The following KLHL6 variants were observed in gnomAD, a reference collection of about 807,000 sequenced individuals.
KLHL6 encodes the protein kelch-like protein 6.
In KLHL6, 41 loss-of-function variants were observed where a neutral mutation model predicts 58.6. The ratio of observed to expected loss-of-function variants is 0.70; its 90% CI spans 0.55 to 0.91. KLHL6 has a LOEUF of 0.91. Ranked by LOEUF, KLHL6 falls within the 40% of genes least tolerant of loss-of-function variation. The pLI, the probability that KLHL6 is intolerant of heterozygous loss-of-function variation, is 0.00. For synonymous variants in KLHL6, 338 were observed against 322.7 expected (o/e 1.05, Z -0.51); for missense variants, 714 against 805.6 (o/e 0.89, Z 1.38).
rs1717440284 is a variant in KLHL6 at position 183,487,671 on chromosome 3, T to G, written c.*4256A>C. 1 of 152,240 alleles carries G rather than the reference T, an allele frequency of 6.6e-6. No homozygotes were observed. Among genetic ancestry groups the G allele is most frequent in the South Asian group, 2.1e-4 (1 of 4,832 alleles). 9.4% of individuals were successfully genotyped at this position (152,240 alleles called of 1,614,324 possible). On this transcript the variant is annotated 3_prime_UTR_variant, in exon 7 of 7. Transcript: ENST00000341319. ...TACAACTTTATGTAACCAAAATGCT[T>G]AAAGGATTTTGTTCACTGAGTGTTG...
rs190307614 is a variant in KLHL6, at chr3:183,491,864, A to T, written c.*63T>A. 2.8e-3 allele frequency: 3,807 copies of T among 1,368,006 alleles called. 90 individuals carry two copies. The African/African-American group carries it at 0.05, about 18-fold the overall frequency. 84.7% of individuals were successfully genotyped at this position (1,368,006 alleles called of 1,614,324 possible). On this transcript the variant is annotated 3_prime_UTR_variant, in exon 7 of 7. Coordinates refer to ENST00000341319, the MANE Select transcript of KLHL6 (RefSeq NM_130446.4). ...CTGCTGCCTGAAGTGGGACTGGAGG[A>T]GGGTGAGAGGTGAGGCGGGTACGCT...
At chr3:183,494,925 ACT>A (rs1395384923) in intron 4 of KLHL6, among the ~76,000 whole-genome samples, 4 of 152,182 alleles carry the variant, frequency 2.6e-5, no homozygotes, top group Non-Finnish European at 4.4e-5. Flanking sequence ...CTTGAAGGCA[ACT>A]CTCTTAAAAA....
chr3:183,516,122 G>T (rs994127628), intron 2 of KLHL6, among the ~76,000 whole-genome samples: 2 of 152,152 alleles, frequency 1.3e-5, no homozygotes, highest in Non-Finnish European at 2.9e-5. Context: ...TGCCAGGAGA[G>T]TCTGAAGAGG....
chr3:183,546,555 TC>T (rs34499683), intron 1 of KLHL6, among the ~76,000 whole-genome samples: 1 of 152,196 alleles, frequency 6.6e-6, no homozygotes, highest in Non-Finnish European at 1.5e-5. Context: ...CTGTCTAGCC[TC>T]CCTTGCACCT....
Position 183,508,076 on chromosome 3 carries a change from G to A in KLHL6, c.892C>T (p.His298Tyr), listed in dbSNP as rs760611219. 6.2e-7 allele frequency: 1 copy of A among 1,613,890 alleles called. No homozygotes were observed. The highest frequency in any genetic ancestry group is 8.5e-7 in the Non-Finnish European group (1 of 1,179,808). ...CTACTCACCTCATTGCCAGAAAGGT[G>A]GTACATCCTGGCTTCCTGGAGCAGC... ...FPLLQEARMYHLSGNEIISER... is the reference protein window; with the variant it reads ...FPLLQEARMYYLSGNEIISER... Residue 298 changes from histidine to tyrosine, a missense_variant, in exon 3 of 7, where the codon CAC becomes TAC. By Grantham distance (83) the His-to-Tyr change is moderately conservative. This residue lies in a region of KLHL6 where 510 missense variants were observed against 629.7 expected (regional missense o/e 0.81). Transcript: ENST00000341319.
rs1210501208 is a variant in KLHL6, at chr3:183,508,251, C to G, written c.717G>C (p.Val239=). 6.2e-7 allele frequency: 1 copy of G among 1,614,048 alleles called. No individual in the cohort carries two copies. Among genetic ancestry groups the G allele is most frequent in the Admixed American group, 1.7e-5 (1 of 59,998 alleles). The change falls in exon 3 of 7, where the codon GTG becomes GTC. Residue 239 remains valine, a synonymous_variant. Transcript: ENST00000341319. ...VTEEAQVFET[V]MSWVRHKPSE... ...ATGGCTTGTGCCGGACCCAGCTCAT[C>G]ACGGTCTCAAACACCTGAGCCTCCT...
chr3:183,514,584 T>G (rs933734361), intron 2 of KLHL6, among the ~76,000 whole-genome samples: 1 of 152,064 alleles, frequency 6.6e-6, no homozygotes, highest in Admixed American at 6.5e-5. Context: ...CCCCTGTAAG[T>G]TTACCTCAAG....
chr3:183,532,985 T>C (rs1712208948), intron 1 of KLHL6, among the ~76,000 whole-genome samples: 1 of 152,076 alleles, frequency 6.6e-6, no homozygotes, highest in African/African-American at 2.4e-5. Flanking sequence ...TCTCAGAAAA[T>C]GTACTAATTG....
Position 183,508,188 on chromosome 3 carries a change from G to C in KLHL6, c.780C>G (p.Asn260Lys), listed in dbSNP as rs376809796. The C allele has an allele frequency of 4.3e-6, 7 of 1,614,080 alleles. No individual in the cohort carries two copies. In the African/African-American group the frequency reaches 8.0e-5, roughly 18 times the overall value. ...ACGGGTCCAGAAGCGGTAAGCGCACGTTCTCGAGGACATAGGGGAGTAAGC... is the reference window on the plus strand; with the variant it reads ...ACGGGTCCAGAAGCGGTAAGCGCACCTTCTCGAGGACATAGGGGAGTAAGC... ...RLCLLPYVLE[N>K]VRLPLLDPWY... Residue 260 changes from asparagine to lysine, a missense_variant, in exon 3 of 7, where the codon AAC becomes AAG. Asn to Lys is a moderately conservative substitution (Grantham distance 94). Coordinates refer to ENST00000341319, the MANE Select transcript of KLHL6 (RefSeq NM_130446.4).
chr3:183,514,673 AT>A (rs776479112), intron 2 of KLHL6, among the ~76,000 whole-genome samples: 6,177 of 147,896 alleles, frequency 0.042, 152 homozygotes, highest in Middle Eastern at 0.072. Context: ...ATTTAATTTA[AT>A]TTTTTTTTTT....
chr3:183,546,757 G>C (rs919268482), intron 1 of KLHL6, among the ~76,000 whole-genome samples: 1 of 152,032 alleles, frequency 6.6e-6, no homozygotes, highest in African/African-American at 2.4e-5. Flanking sequence ...TTTACTATTC[G>C]CGTTTCACAA....
chr3:183,551,895 T>A (rs574630321), intron 1 of KLHL6, among the ~76,000 whole-genome samples: 5 of 152,126 alleles, frequency 3.3e-5, no homozygotes, highest in South Asian at 2.1e-4. Context: ...AATTTAATTT[T>A]AAAAAAATAC....
At chr3:183,522,904 C>T (rs1294101106) in intron 2 of KLHL6, 1 of 152,202 alleles carries the variant, frequency 6.6e-6, no homozygotes, top group Non-Finnish European at 1.5e-5. Context: ...TAACTTCCGC[C>T]TCCTAGGTTC....
At chr3:183,531,439 CT>C (rs1480023423) in intron 1 of KLHL6, among the ~76,000 whole-genome samples, 6 of 134,778 alleles carry the variant, frequency 4.5e-5, no homozygotes, top group Non-Finnish European at 9.4e-5. Flanking sequence ...CTTTTTTTGT[CT>C]GTGTTTTTTT....
intron 1 of KLHL6, among the ~76,000 whole-genome samples, chr3:183,537,293 A>G (rs1480113485): frequency 6.6e-6 from 1 of 152,184 alleles, no homozygotes; most frequent in Non-Finnish European, 1.5e-5. Flanking sequence ...CAAGAAAATC[A>G]GCAGGAGTTC....
At chr3:183,501,928 T>C in intron 3 of KLHL6, among the ~76,000 whole-genome samples, 1 of 152,206 alleles carries the variant, frequency 6.6e-6, no homozygotes, top group Non-Finnish European at 1.5e-5. Flanking sequence ...AACAGCCCTT[T>C]TTCTCCAGTG....
At chr3:183,529,965 G>A (rs991513284) in intron 1 of KLHL6, among the ~76,000 whole-genome samples, 4 of 152,064 alleles carry the variant, frequency 2.6e-5, no homozygotes, top group Admixed American at 6.6e-5. Flanking sequence ...GTGCTGCCCC[G>A]TGTGAGGACT....
chr3:183,537,922 T>C (rs1712417696), intron 1 of KLHL6, among the ~76,000 whole-genome samples: 1 of 152,134 alleles, frequency 6.6e-6, no homozygotes. Context: ...GGGTGTGCCA[T>C]GCTCAGCACT....
At chr3:183,521,857 C>G (rs1711773264) in intron 2 of KLHL6, 1 of 151,054 alleles carries the variant, frequency 6.6e-6, no homozygotes, top group African/African-American at 2.4e-5. Flanking sequence ...CTACACCTGG[C>G]TAATTTTTGT....
Sources: gnomAD v4.1 joint callset for allele counts (sites outside exome capture counted in the v4.1 genomes callset) on GRCh38, gnomAD v4.1.1 for gene constraint, gnomAD v4.1.1 regional missense constraint, MANE v1.5 for transcripts, NCBI Gene and HGNC (gene_info 2026-07-23, HGNC 2026-07-21) for gene names.